Variants in KIF13A observed in about 807,000 individuals in gnomAD.
The protein encoded by KIF13A is kinesin family member 13A.
KIF13A carries 79 observed loss-of-function variants against 212.2 expected under a neutral mutation model. The observed-to-expected ratio is 0.37, with a 90% CI of 0.31 to 0.45. The LOEUF is 0.45. KIF13A is among the 20% of genes least tolerant of loss of function. KIF13A has a pLI of 1.00. For synonymous variants in KIF13A, 789 were observed against 808.6 expected (o/e 0.98, Z 0.41); for missense variants, 1,901 against 2,209.0 (o/e 0.86, Z 2.79).
At chr6:17,774,545 G>A (rs774910433) in intron 35 of KIF13A, among the ~76,000 whole-genome samples, 21 of 152,100 alleles carry the variant, frequency 1.4e-4, no homozygotes, top group Non-Finnish European at 2.6e-4. Flanking sequence ...AGGCCGAGGC[G>A]GATCGATCAC....
chr6:17,881,513 A>G (rs1190722242), intron 3 of KIF13A: 5 of 432,568 alleles, frequency 1.2e-5, no homozygotes, highest in Non-Finnish European at 1.8e-5. Context: ...TGGCCAACAT[A>G]TGGTGAAACC....
At chr6:17,821,547 G>A (rs1328014652) in intron 16 of KIF13A, among the ~76,000 whole-genome samples, 1 of 148,164 alleles carries the variant, frequency 6.7e-6, no homozygotes, top group Non-Finnish European at 1.5e-5. Context: ...ATGGAATTGG[G>A]ACATGGTGTG....
At chr6:17,767,123 G>A (rs1330103123) in intron 38 of KIF13A, among the ~76,000 whole-genome samples, 1 of 152,152 alleles carries the variant, frequency 6.6e-6, no homozygotes, top group African/African-American at 2.4e-5. Context: ...CAAAAAAGTG[G>A]GGTGGAGCAT....
Position 17,871,067 on chromosome 6 carries a change from C to T in KIF13A, c.220+2310G>A, listed in dbSNP as rs896853023. On this transcript the variant is annotated intron_variant, in intron 4 of 38. Coordinates refer to ENST00000259711, the MANE Select transcript of KIF13A (RefSeq NM_022113.6). This position sits in a 1 kb window ranked among gnomAD's most constrained non-coding sequence, Gnocchi z 4.4. ...CTCACGTCAAAATCCATGTGCTCTC[C>T]TTGACACATGTCACTTCCTCTTGTC... is the stretch of plus-strand genomic sequence containing the variant. Among the ~76,000 whole-genome samples the T allele has an allele frequency of 2.6e-5, 4 of 152,222 alleles. No homozygotes were observed. Among genetic ancestry groups the T allele is most frequent in the African/African-American group, 9.7e-5 (4 of 41,450 alleles).
rs1369557719 is a variant in KIF13A at position 17,816,484 on chromosome 6, T to C, written c.2000+536A>G. On this transcript the variant is annotated intron_variant, in intron 17 of 38. Coordinates refer to ENST00000259711, the MANE Select transcript of KIF13A (RefSeq NM_022113.6). The surrounding 1 kb of genome is among the most constrained non-coding windows in gnomAD (Gnocchi z 4.3). Reference sequence around the variant, plus strand: ...ATAGGCATGCACCACCACGCCTGGGTAATTTTTACTTTTTGTAGAGACAAG... The same window carrying C: ...ATAGGCATGCACCACCACGCCTGGGCAATTTTTACTTTTTGTAGAGACAAG... Among the ~76,000 whole-genome samples the C allele has an allele frequency of 6.6e-6, 1 of 151,992 alleles. No homozygotes were observed. Among genetic ancestry groups the C allele is most frequent in the African/African-American group, 2.4e-5 (1 of 41,370 alleles).
rs191555664 is a variant in KIF13A at position 17,871,675 on chromosome 6, T to G, written c.220+1702A>C. Among the ~76,000 whole-genome samples the G allele has an allele frequency of 6.6e-6, 1 of 152,070 alleles. No homozygotes were observed. Among genetic ancestry groups the G allele is most frequent in the East Asian group, 1.9e-4 (1 of 5,182 alleles). On this transcript the variant is annotated intron_variant, in intron 4 of 38. Coordinates refer to ENST00000259711, the MANE Select transcript of KIF13A (RefSeq NM_022113.6). This position sits in a 1 kb window ranked among gnomAD's most constrained non-coding sequence, Gnocchi z 4.4. ...GTCCCAGAAGAGACAGTGGAGAAGG[T>G]AGAATGGGGTTATATAATAAAGGAC...
intron 2 of KIF13A, among the ~76,000 whole-genome samples, chr6:17,962,466 G>C (rs934318336): frequency 6.6e-6 from 1 of 152,176 alleles, no homozygotes; most frequent in Non-Finnish European, 1.5e-5. Flanking sequence ...ATTTGTGCAG[G>C]CAAGTAGCAA....
Position 17,789,806 on chromosome 6 carries a change from T to C in KIF13A, c.3261+66A>G. On this transcript the variant is annotated intron_variant, in intron 26 of 38. Transcript: ENST00000259711. This position sits in a 1 kb window ranked among gnomAD's most constrained non-coding sequence, Gnocchi z 4.8. ...CTCCTTCCTCCTCCCTGGCCTCTGC[T>C]TTGCGAATGCTGGCAATTAGCAGTA... 4 of 1,414,136 alleles carry C rather than the reference T, an allele frequency of 2.8e-6. No homozygotes were observed. Among genetic ancestry groups the C allele is most frequent in the Non-Finnish European group, 4.0e-6 (4 of 1,004,888 alleles). 87.6% of individuals were successfully genotyped at this position (1,414,136 alleles called of 1,614,324 possible).
rs1339590903 is a variant in KIF13A at position 17,778,996 on chromosome 6, C to T, written c.4043G>A (p.Arg1348Gln). The stretch of plus-strand genomic sequence containing the variant: ...AATGTTTTCCACCTGCAGCACGCCT[C>T]GAGTGTACTTCTCAATGTACGTCTC... ...DGETYIEKYT[R>Q]GVLQVENILS... is the part of the protein sequence containing the mutation. The change falls in exon 33 of 39, where the codon CGA becomes CAA. Residue 1348 changes from arginine (R) to glutamine (Q), a missense_variant. Transcript: ENST00000259711. 12 of 1,612,664 alleles carry T rather than the reference C, an allele frequency of 7.4e-6. No homozygotes were observed. The highest frequency in any genetic ancestry group is 9.3e-6 in the Non-Finnish European group (11 of 1,179,496).
At chr6:17,804,592 G>GA (rs1041236376) in intron 19 of KIF13A, 82 bp from the exon 20 acceptor site, 20 of 1,264,296 alleles carry the variant, frequency 1.6e-5, no homozygotes, top group African/African-American at 6.1e-5. Context: ...ACTAGCATTT[G>GA]AAAAAAAATT....
Position 17,771,879 on chromosome 6 carries a change from T to C in KIF13A, c.4476+29A>G. ...CAGGTGACACAACTCTGCTCTATTC[T>C]GCATAGTACAGACAAGTCAAGCATT... On this transcript the variant is annotated intron_variant, in intron 37 of 38. Transcript: ENST00000259711. This position sits in a 1 kb window ranked among gnomAD's most constrained non-coding sequence, Gnocchi z 5.4. 2 of 1,610,224 alleles carry C rather than the reference T, an allele frequency of 1.2e-6. No homozygotes were observed. Among genetic ancestry groups the C allele is most frequent in the South Asian group, 1.1e-5 (1 of 90,866 alleles).
At chr6:17,778,900 G>T in intron 33 of KIF13A, 47 bp downstream of exon 33, 5 of 1,545,766 alleles carry the variant, frequency 3.2e-6, no homozygotes, top group Non-Finnish European at 3.5e-6. Context: ...TCCATTGGGG[G>T]TGAAGGCTGG....
chr6:17,866,261 CA>C (rs1284768869), intron 4 of KIF13A, among the ~76,000 whole-genome samples: 1 of 152,138 alleles, frequency 6.6e-6, no homozygotes, highest in Admixed American at 6.5e-5. Flanking sequence ...GAGGTTAAAA[CA>C]AAGCCCAAAC....
In KIF13A at chr6:17,828,788, G is replaced by A. The variant is rs1463600318; in HGVS notation, c.1402-418C>T. Among the ~76,000 whole-genome samples the A allele has an allele frequency of 6.6e-6, 1 of 152,100 alleles. No individual in the cohort carries two copies. Among genetic ancestry groups the A allele is most frequent in the Non-Finnish European group, 1.5e-5 (1 of 68,028 alleles). On this transcript the variant is annotated intron_variant, in intron 13 of 38. Transcript: ENST00000259711. This position sits in a 1 kb window ranked among gnomAD's most constrained non-coding sequence, Gnocchi z 4.3. ...GATCATCTGAGTTAACAGTGAAAGT[G>A]TTTTGAAAACAGTTACATAAATTTA...
At chr6:17,854,350 C>G (rs945970461) in intron 6 of KIF13A, among the ~76,000 whole-genome samples, 5 of 152,060 alleles carry the variant, frequency 3.3e-5, no homozygotes, top group Admixed American at 2.0e-4. Flanking sequence ...GTTGACCAGG[C>G]TGGTCTCGAA....
At chr6:17,973,035 A>G (rs1219251805) in intron 2 of KIF13A, among the ~76,000 whole-genome samples, 1 of 152,158 alleles carries the variant, frequency 6.6e-6, no homozygotes, top group Non-Finnish European at 1.5e-5. Flanking sequence ...CAGACACACT[A>G]ACCTGAGTTC....
At chr6:17,814,539 G>A (rs1195692524) in intron 17 of KIF13A, among the ~76,000 whole-genome samples, 3 of 149,612 alleles carry the variant, frequency 2.0e-5, no homozygotes, top group East Asian at 4.0e-4. Context: ...GAGCCACCGC[G>A]CCCAGCCAGG....
chr6:17,880,559 C>T (rs1456916078), intron 3 of KIF13A, among the ~76,000 whole-genome samples: 1 of 135,594 alleles, frequency 7.4e-6, no homozygotes, highest in Admixed American at 8.5e-5. Context: ...ACCCAGGAGG[C>T]GGAGGTTGCA....
In KIF13A at chr6:17,785,218, T is replaced by C. The variant is rs377110349; in HGVS notation, c.3488+297A>G. On this transcript the variant is annotated intron_variant, in intron 28 of 38. Coordinates refer to ENST00000259711, the MANE Select transcript of KIF13A (RefSeq NM_022113.6). The surrounding 1 kb of genome is among the most constrained non-coding windows in gnomAD (Gnocchi z 5.8). ...CTATTCAAATACTTTCCAGCCAAGA[T>C]AAAAGAGTTTCTGGGCATCAGGGAA... Among the ~76,000 whole-genome samples the C allele has an allele frequency of 3.7e-4, 57 of 152,320 alleles. No individual in the cohort carries two copies. The highest frequency in any genetic ancestry group is 1.3e-3 in the African/African-American group (55 of 41,578).
Sources: gnomAD v4.1 joint callset for allele counts (sites outside exome capture counted in the v4.1 genomes callset) on GRCh38, gnomAD v4.1.1 for gene constraint, Gnocchi (gnomAD v3.1) non-coding constraint, MANE v1.5 for transcripts, NCBI Gene and HGNC (gene_info 2026-07-23, HGNC 2026-07-21) for gene names.